The following ITFG1 variants were observed in gnomAD, a reference collection of about 807,000 sequenced individuals.
ITFG1 encodes integrin alpha FG-GAP repeat containing 1, also known as T-cell immunomodulatory protein.
In ITFG1, 34 loss-of-function variants were observed where a neutral mutation model predicts 81.8. The observed-to-expected ratio is 0.42, with a 90% CI of 0.32 to 0.55. The LOEUF is 0.55. Ranked by LOEUF, ITFG1 falls within the 20% of genes least tolerant of loss-of-function variation. The probability of loss-of-function intolerance (pLI) is 0.17; values close to 1 mark genes in which losing one functional copy is unlikely to be tolerated. For missense variants in ITFG1, 672 were observed against 755.4 expected (o/e 0.89, Z 1.29); for synonymous variants, 285 against 270.6 (o/e 1.05, Z -0.52).
intron 5 of ITFG1, among the ~76,000 whole-genome samples, chr16:47,442,934 C>A (rs918574793): frequency 1.3e-5 from 2 of 152,124 alleles, no homozygotes; most frequent in African/African-American, 4.8e-5. Flanking sequence ...TTCTGCACAG[C>A]AAAAGAAACC....
intron 8 of ITFG1, among the ~76,000 whole-genome samples, chr16:47,362,362 T>C (rs1003826767): frequency 2.0e-5 from 3 of 152,200 alleles, no homozygotes; most frequent in Admixed American, 2.0e-4. Flanking sequence ...TCAAGAAGCA[T>C]TACATTATGC....
chr16:47,215,402 G>A (rs1396664508), intron 14 of ITFG1, among the ~76,000 whole-genome samples: 1 of 152,056 alleles, frequency 6.6e-6, no homozygotes, highest in Non-Finnish European at 1.5e-5. Flanking sequence ...ATGAAATACA[G>A]CATATGTTTG....
intron 8 of ITFG1, among the ~76,000 whole-genome samples, chr16:47,361,098 T>C (rs1968102663): frequency 6.6e-6 from 1 of 152,168 alleles, no homozygotes; most frequent in Non-Finnish European, 1.5e-5. Context: ...CCTTTATTTT[T>C]TATAGGATTA....
At chr16:47,260,762 T>C in intron 10 of ITFG1, 67 bp from the exon 11 acceptor site, 2 of 1,494,972 alleles carry the variant, frequency 1.3e-6, no homozygotes, top group Non-Finnish European at 1.9e-6. Context: ...CTCTGTAGTA[T>C]TTCCTAGATT....
At chr16:47,228,173 ACT>A (rs1431092138) in intron 13 of ITFG1, among the ~76,000 whole-genome samples, 1 of 152,200 alleles carries the variant, frequency 6.6e-6, no homozygotes, top group Non-Finnish European at 1.5e-5. Flanking sequence ...TGATATCACC[ACT>A]GTCAGGTGTG....
Position 47,237,978 on chromosome 16 carries a change from G to A in ITFG1, c.1361C>T (p.Pro454Leu), listed in dbSNP as rs2151534063. 1 of 1,447,838 alleles carries A rather than the reference G, an allele frequency of 6.9e-7. No individual in the cohort carries two copies. The highest frequency in any genetic ancestry group is 9.4e-7 in the Non-Finnish European group (1 of 1,060,002). The allele number at this position is 1,447,838 out of a possible 1,614,324, so 89.7% of individuals were successfully genotyped here. ...VLSGLCSNDC[P>L]RKITPFGVNQ... ...AAATTTACTTACTGTTATCTTACGAGGACAGTCATTAGAACACAGACCACT... is the reference window on the plus strand; with the variant it reads ...AAATTTACTTACTGTTATCTTACGAAGACAGTCATTAGAACACAGACCACT... The change falls in exon 13 of 18, where the codon CCT becomes CTT. Residue 454 changes from proline (P) to leucine (L), a missense_variant. By Grantham distance (98) the Pro-to-Leu change is moderately conservative. Transcript: ENST00000320640.
intron 6 of ITFG1, among the ~76,000 whole-genome samples, chr16:47,398,101 C>G (rs1358100282): frequency 6.6e-6 from 1 of 152,140 alleles, no homozygotes; most frequent in Non-Finnish European, 1.5e-5. Flanking sequence ...CACATTTGAC[C>G]ACACACACAG....
chr16:47,209,815 C>T (rs561413727), intron 14 of ITFG1, among the ~76,000 whole-genome samples: 2 of 152,088 alleles, frequency 1.3e-5, no homozygotes, highest in Non-Finnish European at 2.9e-5. Flanking sequence ...AGTATATAAA[C>T]TTCTGGGATA....
intron 5 of ITFG1, among the ~76,000 whole-genome samples, chr16:47,434,423 C>T (rs926601509): frequency 1.3e-5 from 2 of 150,950 alleles, no homozygotes; most frequent in Non-Finnish European, 2.9e-5. Flanking sequence ...AGATGACATT[C>T]CTGTGGCCAA....
chr16:47,402,728 C>G (rs1968677238), intron 6 of ITFG1, among the ~76,000 whole-genome samples: 1 of 152,102 alleles, frequency 6.6e-6, no homozygotes, highest in African/African-American at 2.4e-5. Flanking sequence ...ATTAATCACG[C>G]ACATAAGGAG....
intron 8 of ITFG1, among the ~76,000 whole-genome samples, chr16:47,318,019 T>A (rs1271980861): frequency 2.6e-5 from 4 of 152,068 alleles, no homozygotes; most frequent in African/African-American, 7.2e-5. Flanking sequence ...GATTTTAACG[T>A]AATGGAAAGA....
At chr16:47,192,827 C>T (rs1205200877) in intron 14 of ITFG1, among the ~76,000 whole-genome samples, 1 of 152,172 alleles carries the variant, frequency 6.6e-6, no homozygotes, top group Non-Finnish European at 1.5e-5. Flanking sequence ...GCATTTTCCC[C>T]TCAGCTTTTG....
intron 2 of ITFG1, among the ~76,000 whole-genome samples, chr16:47,457,850 T>C (rs7204944): frequency 0.1 from 15,704 of 152,202 alleles, 1,660 homozygotes; most frequent in African/African-American, 0.27. Flanking sequence ...CTTCAGTTTC[T>C]TCCCCACTCC....
chr16:47,199,155 T>G (rs1050674183), intron 14 of ITFG1, among the ~76,000 whole-genome samples: 1 of 151,854 alleles, frequency 6.6e-6, no homozygotes, highest in African/African-American at 2.4e-5. Flanking sequence ...ATAATCCCAG[T>G]TACTTGGAAG....
At chr16:47,225,068 AAC>A (rs1403665200) in intron 13 of ITFG1, among the ~76,000 whole-genome samples, 3 of 152,218 alleles carry the variant, frequency 2.0e-5, no homozygotes, top group Non-Finnish European at 4.4e-5. Context: ...AAATTATGAG[AAC>A]AGTGTCTCAC....
At chr16:47,416,319 T>C (rs1239256872) in intron 6 of ITFG1, among the ~76,000 whole-genome samples, 1 of 152,088 alleles carries the variant, frequency 6.6e-6, no homozygotes, top group Non-Finnish European at 1.5e-5. Context: ...TCATTAGAAG[T>C]CATATAGATT....
At chr16:47,382,650 G>A (rs1026553573) in intron 6 of ITFG1, among the ~76,000 whole-genome samples, 2 of 151,376 alleles carry the variant, frequency 1.3e-5, no homozygotes, top group Non-Finnish European at 1.5e-5. Context: ...ATCAGAAGTC[G>A]GGGGGTGGGG....
intron 10 of ITFG1, among the ~76,000 whole-genome samples, chr16:47,262,529 G>A (rs1966222449): frequency 6.6e-6 from 1 of 152,170 alleles, no homozygotes; most frequent in Non-Finnish European, 1.5e-5. Context: ...TATAATCTAT[G>A]CATCATATGG....
chr16:47,258,858 CTCA>C (rs1966171722), intron 11 of ITFG1, 118 bp from the exon 12 acceptor site: 2 of 495,728 alleles, frequency 4.0e-6, no homozygotes, highest in East Asian at 7.0e-5. Context: ...TTTATTCATC[CTCA>C]TGTTTAAAAT....
Sources: allele counts gnomAD v4.1 joint callset (sites outside exome capture counted in the v4.1 genomes callset), GRCh38; gene constraint gnomAD v4.1.1; transcripts MANE v1.5; gene names NCBI Gene and HGNC (gene_info 2026-07-23, HGNC 2026-07-21).